Variants in PDE1A observed in about 807,000 individuals in gnomAD.
PDE1A encodes the protein phosphodiesterase 1A, also known as dual specificity calcium/calmodulin-dependent 3',5'-cyclic nucleotide phosphodiesterase 1A.
A neutral mutation model predicts 61.7 loss-of-function variants in PDE1A; 35 were observed. The observed-to-expected ratio is 0.57, with a 90% CI of 0.43 to 0.75. The LOEUF (loss-of-function observed/expected upper bound fraction) is 0.75, where lower values mean the gene tolerates loss of function less well. PDE1A is among the 30% of genes least tolerant of loss of function. The probability of loss-of-function intolerance (pLI) is 0.00; values close to 1 mark genes in which losing one functional copy is unlikely to be tolerated. For synonymous variants in PDE1A, 232 were observed against 213.2 expected (o/e 1.09, Z -0.77); for missense variants, 597 against 630.6 (o/e 0.95, Z 0.57).
At chr2:182,184,029 A>C (rs1043229862) in intron 13 of PDE1A, among the ~76,000 whole-genome samples, 2 of 112,756 alleles carry the variant, frequency 1.8e-5, no homozygotes, top group African/African-American at 5.2e-5. Context: ...AAAGAAAGAA[A>C]GAAAGAAAGA....
At chr2:182,635,322 C>A in the PDE1A span, among the ~76,000 whole-genome samples, 1 of 151,956 alleles carries the variant, frequency 6.6e-6, no homozygotes, top group Non-Finnish European at 1.5e-5. Context: ...CCATTCCCAA[C>A]TATCGCCTTC....
intron 1 of PDE1A, among the ~76,000 whole-genome samples, chr2:182,292,382 C>T (rs1254151441): frequency 6.6e-6 from 1 of 151,916 alleles, no homozygotes; most frequent in Non-Finnish European, 1.5e-5. Context: ...AATTATCTTA[C>T]TAGTTTCTCC....
chr2:182,200,760 C>T (rs902217234), intron 10 of PDE1A, among the ~76,000 whole-genome samples: 1 of 152,220 alleles, frequency 6.6e-6, no homozygotes, highest in Non-Finnish European at 1.5e-5. Flanking sequence ...GCCCCATTTG[C>T]AGCTGGCATC....
At chr2:182,453,984 G>C (rs918498586) in intron 2 of PDE1A, among the ~76,000 whole-genome samples, 4 of 151,966 alleles carry the variant, frequency 2.6e-5, no homozygotes, top group African/African-American at 9.7e-5. Context: ...AATTGTCCCT[G>C]TTTGCAGATG....
At chr2:182,229,945 T>C (rs1689441132) in intron 6 of PDE1A, 61 bp downstream of exon 6, 12 of 1,321,282 alleles carry the variant, frequency 9.1e-6, no homozygotes, top group South Asian at 2.7e-5. Context: ...TAGAAACTTA[T>C]AGGAATGGAA....
chr2:182,367,949 C>T (rs539373807), intron 1 of PDE1A, among the ~76,000 whole-genome samples: 3 of 152,012 alleles, frequency 2.0e-5, no homozygotes, highest in Non-Finnish European at 4.4e-5. Context: ...GAAACCAACA[C>T]CACTCTGTCT....
chr2:182,693,720 C>A, the PDE1A span, among the ~76,000 whole-genome samples: 1 of 150,252 alleles, frequency 6.7e-6, no homozygotes, highest in African/African-American at 2.4e-5. Context: ...AAACTCGGCT[C>A]ACTGCAGCCT....
At chr2:182,304,364 T>C (rs1197482923) in intron 1 of PDE1A, among the ~76,000 whole-genome samples, 2 of 152,216 alleles carry the variant, frequency 1.3e-5, no homozygotes, top group African/African-American at 4.8e-5. Flanking sequence ...CAACTAAAAC[T>C]TTCTCCGTAT....
chr2:182,490,472 C>T (rs1688310698), intron 2 of PDE1A, among the ~76,000 whole-genome samples: 1 of 152,178 alleles, frequency 6.6e-6, no homozygotes, highest in Admixed American at 6.5e-5. Context: ...TGGGTTCACG[C>T]CATTCTCCTG....
At chr2:182,364,302 C>T (rs1699685571) in intron 1 of PDE1A, among the ~76,000 whole-genome samples, 1 of 151,578 alleles carries the variant, frequency 6.6e-6, no homozygotes, top group South Asian at 2.1e-4. Context: ...CCAGCTTACA[C>T]CCTATCCCAT....
chr2:182,319,692 T>C (rs532245794), intron 1 of PDE1A, among the ~76,000 whole-genome samples: 1 of 152,282 alleles, frequency 6.6e-6, no homozygotes, highest in East Asian at 1.9e-4. Flanking sequence ...CTCATTTGTA[T>C]CTGTACAGCT....
intron 7 of PDE1A, among the ~76,000 whole-genome samples, chr2:182,212,725 G>C (rs1225706608): frequency 2.0e-5 from 3 of 152,224 alleles, no homozygotes; most frequent in Non-Finnish European, 4.4e-5. Context: ...AAAAAATGGC[G>C]CACCACGAGA....
chr2:182,635,670 A>C, the PDE1A span, among the ~76,000 whole-genome samples: 1 of 148,798 alleles, frequency 6.7e-6, no homozygotes, highest in Non-Finnish European at 1.5e-5. Flanking sequence ...TTTTAAGAGT[A>C]TCTATCTCTC....
At chr2:182,554,177 C>T in the PDE1A span, among the ~76,000 whole-genome samples, 2 of 152,252 alleles carry the variant, frequency 1.3e-5, no homozygotes, top group Admixed American at 6.5e-5. Flanking sequence ...ACACCATTTT[C>T]CTTTGACTAA....
intron 2 of PDE1A, among the ~76,000 whole-genome samples, chr2:182,483,072 A>T (rs1345567623): frequency 6.6e-6 from 1 of 151,952 alleles, no homozygotes; most frequent in Non-Finnish European, 1.5e-5. Context: ...GAAACAATAA[A>T]TGTAACTACA....
intron 1 of PDE1A, among the ~76,000 whole-genome samples, chr2:182,278,701 C>G (rs1670601985): frequency 6.6e-6 from 1 of 151,890 alleles, no homozygotes; most frequent in Admixed American, 6.6e-5. Flanking sequence ...AGAGGGGCCT[C>G]AGAAGTGAAT....
intron 2 of PDE1A, among the ~76,000 whole-genome samples, chr2:182,260,108 T>G (rs1692118169): frequency 6.6e-6 from 1 of 152,214 alleles, no homozygotes; most frequent in African/African-American, 2.4e-5. Context: ...AAGGGAGATT[T>G]TTGTTTTGAT....
chr2:182,454,443 A>C (rs1369299811), intron 2 of PDE1A, among the ~76,000 whole-genome samples: 1 of 152,142 alleles, frequency 6.6e-6, no homozygotes, highest in African/African-American at 2.4e-5. Context: ...GGAACCAAAA[A>C]AGAGCCCGCA....
intron 2 of PDE1A, among the ~76,000 whole-genome samples, chr2:182,438,087 A>T (rs1285057609): frequency 6.6e-6 from 1 of 151,860 alleles, no homozygotes. Context: ...TCACCTTCCT[A>T]GCCATTACAG....
Sources: allele counts gnomAD v4.1 joint callset (sites outside exome capture counted in the v4.1 genomes callset), GRCh38; gene constraint gnomAD v4.1.1; transcripts MANE v1.5; gene names NCBI Gene and HGNC (gene_info 2026-07-23, HGNC 2026-07-21).